Variants in ZNF385B observed in about 807,000 individuals in gnomAD.
ZNF385B encodes the protein zinc finger protein 533.
ZNF385B carries 23 observed loss-of-function variants against 39.2 expected under a neutral mutation model. The ratio of observed to expected loss-of-function variants is 0.59; its 90% CI spans 0.42 to 0.83. The LOEUF (loss-of-function observed/expected upper bound fraction) is 0.83. Ranked by LOEUF, ZNF385B falls within the 40% of genes least tolerant of loss-of-function variation. The pLI is 0.00. For missense variants in ZNF385B, 552 were observed against 598.9 expected (o/e 0.92, Z 0.82); for synonymous variants, 205 against 222.6 (o/e 0.92, Z 0.70).
chr2:179,518,708 G>C lies in ZNF385B; in HGVS notation c.442-70C>G, dbSNP rs138950162. Reference sequence around the variant, plus strand: ...AAGACAACAGTGTGAGCAAATAACAGTAGTTGAAATATTCCATAAAGTTTA... The same window carrying C: ...AAGACAACAGTGTGAGCAAATAACACTAGTTGAAATATTCCATAAAGTTTA... On this transcript the variant is annotated intron_variant, in intron 4 of 9. Transcript: ENST00000410066. 1,329 of 913,862 alleles carry C rather than the reference G, an allele frequency of 1.5e-3. 15 individuals carry two copies. The African/African-American group carries it at 0.021, about 14-fold the overall frequency. 56.6% of individuals were successfully genotyped at this position (913,862 alleles called of 1,614,324 possible).
intron 3 of ZNF385B, among the ~76,000 whole-genome samples, chr2:179,741,673 A>C (rs1702097051): frequency 6.6e-6 from 1 of 152,138 alleles, no homozygotes; most frequent in Non-Finnish European, 1.5e-5. Flanking sequence ...AAGTTGTTAA[A>C]AGAATTCAAT....
chr2:179,713,962 AATAATATTCCTTG>A (rs1182914646), intron 3 of ZNF385B, among the ~76,000 whole-genome samples: 1 of 152,212 alleles, frequency 6.6e-6, no homozygotes, highest in Non-Finnish European at 1.5e-5. Flanking sequence ...GATATCATAA[AATAATATTCCTTG>A]ATAAATACTT....
chr2:179,675,061 A>G (rs1229387643), intron 3 of ZNF385B, among the ~76,000 whole-genome samples: 1 of 152,108 alleles, frequency 6.6e-6, no homozygotes, highest in African/African-American at 2.4e-5. Flanking sequence ...AGTAACTTCA[A>G]CTCCCAAAAA....
chr2:179,694,137 A>G (rs1294380752), intron 3 of ZNF385B, among the ~76,000 whole-genome samples: 1 of 152,224 alleles, frequency 6.6e-6, no homozygotes, highest in African/African-American at 2.4e-5. Context: ...TTAAATTCTA[A>G]ACAGGAGTTT....
intron 3 of ZNF385B, among the ~76,000 whole-genome samples, chr2:179,625,563 C>G (rs1274029877): frequency 1.3e-5 from 2 of 151,844 alleles, no homozygotes; most frequent in African/African-American, 4.8e-5. Flanking sequence ...GTTGGGTGAA[C>G]TTTAGCCATT....
At chr2:179,653,834 C>T (rs940636491) in intron 3 of ZNF385B, among the ~76,000 whole-genome samples, 29 of 152,114 alleles carry the variant, frequency 1.9e-4, no homozygotes, top group Admixed American at 7.9e-4. Flanking sequence ...CAAACTCAGA[C>T]GAGCCAGTGC....
chr2:179,442,689 C>T lies in ZNF385B; in HGVS notation c.*561G>A, dbSNP rs1173844482. 3 of 170,566 alleles carry T rather than the reference C, an allele frequency of 1.8e-5. No individual in the cohort carries two copies. The highest frequency in any genetic ancestry group is 5.4e-5 in the Admixed American group (1 of 18,382). The allele number at this position is 170,566 out of a possible 1,614,324, so 10.6% of individuals were successfully genotyped here. ...ACACAGGATACAGCAGTACTTGGGT[C>T]GAAACAGTACACAATCCCTGTCAAC... is the stretch of plus-strand genomic sequence containing the variant. On this transcript the variant is annotated 3_prime_UTR_variant, in exon 10 of 10. Coordinates refer to ENST00000410066, the MANE Select transcript of ZNF385B (RefSeq NM_152520.6).
intron 1 of ZNF385B, among the ~76,000 whole-genome samples, chr2:179,839,056 T>A (rs1708410225): frequency 6.6e-6 from 1 of 152,014 alleles, no homozygotes; most frequent in Non-Finnish European, 1.5e-5. Context: ...ATATCTAGAA[T>A]CAGCCTTCAA....
chr2:179,691,864 T>A (rs1250682536), intron 3 of ZNF385B, among the ~76,000 whole-genome samples: 1 of 152,142 alleles, frequency 6.6e-6, no homozygotes, highest in Non-Finnish European at 1.5e-5. Context: ...AAAATATTTT[T>A]AAAATTATTA....
At chr2:179,580,963 C>T (rs1320747541) in intron 3 of ZNF385B, among the ~76,000 whole-genome samples, 2 of 152,074 alleles carry the variant, frequency 1.3e-5, no homozygotes, top group Non-Finnish European at 2.9e-5. Flanking sequence ...ATGTCCTAGG[C>T]AAGGTTAGCA....
At chr2:179,783,854 A>C (rs1276795740) in intron 1 of ZNF385B, among the ~76,000 whole-genome samples, 2 of 152,138 alleles carry the variant, frequency 1.3e-5, no homozygotes, top group Non-Finnish European at 1.5e-5. Context: ...AAAAAGGAAC[A>C]CTTATATATA....
At position 179,765,590 on chromosome 2, in the gene ZNF385B, A is replaced by T. The variant is rs77728190; in HGVS notation, c.298+3913T>A. 4.6e-4 allele frequency among the ~76,000 whole-genome samples: 70 copies of T among 152,310 alleles called. No individual in the cohort carries two copies. The East Asian group carries it at 0.013, about 28-fold the overall frequency. The stretch of plus-strand genomic sequence containing the variant: ...GGTACATGTAAAATATTGTCCTGCC[A>T]CTGTCCCAGTCTAACAGAAAAGACT... On this transcript the variant is annotated intron_variant, in intron 3 of 9. Transcript: ENST00000410066.
chr2:179,559,116 C>T (rs1378706599), intron 3 of ZNF385B, among the ~76,000 whole-genome samples: 2 of 152,162 alleles, frequency 1.3e-5, no homozygotes, highest in East Asian at 1.9e-4. Context: ...AATGATTTTC[C>T]TCCCTTTCGC....
chr2:179,811,028 G>A (rs1409475491), intron 1 of ZNF385B, among the ~76,000 whole-genome samples: 1 of 152,052 alleles, frequency 6.6e-6, no homozygotes. Context: ...CAAGCTGAGA[G>A]CCAAATCAAG....
intron 1 of ZNF385B, among the ~76,000 whole-genome samples, chr2:179,786,656 C>T (rs1379039710): frequency 6.6e-6 from 1 of 151,768 alleles, no homozygotes; most frequent in African/African-American, 2.4e-5. Flanking sequence ...TTCATCTTCC[C>T]TGGAGCCTAA....
At chr2:179,534,451 A>G (rs751269406) in intron 4 of ZNF385B, among the ~76,000 whole-genome samples, 2 of 152,182 alleles carry the variant, frequency 1.3e-5, no homozygotes, top group Non-Finnish European at 2.9e-5. Flanking sequence ...GATATGTTAT[A>G]TACTTATAAT....
At chr2:179,715,095 A>G (rs1700250826) in intron 3 of ZNF385B, among the ~76,000 whole-genome samples, 3 of 152,160 alleles carry the variant, frequency 2.0e-5, no homozygotes, top group South Asian at 4.1e-4. Context: ...AATTAAACAC[A>G]TCTATACACA....
At chr2:179,648,264 G>A (rs1218043248) in intron 3 of ZNF385B, among the ~76,000 whole-genome samples, 2 of 152,098 alleles carry the variant, frequency 1.3e-5, no homozygotes, top group Non-Finnish European at 2.9e-5. Flanking sequence ...ATAAGGAAAG[G>A]TGGCAGTGGC....
chr2:179,715,493 C>T (rs1012368431), intron 3 of ZNF385B, among the ~76,000 whole-genome samples: 1 of 152,056 alleles, frequency 6.6e-6, no homozygotes, highest in Non-Finnish European at 1.5e-5. Context: ...AGCACTGGGA[C>T]CAAAAATAAC....
Sources: gnomAD v4.1 joint callset for allele counts (sites outside exome capture counted in the v4.1 genomes callset) on GRCh38, gnomAD v4.1.1 for gene constraint, MANE v1.5 for transcripts, NCBI Gene and HGNC (gene_info 2026-07-23, HGNC 2026-07-21) for gene names.